MAST4: variants seen among roughly 807,000 people sequenced by gnomAD.
The protein encoded by MAST4 is microtubule-associated serine/threonine-protein kinase 4.
Under a neutral mutation model 162.7 loss-of-function variants are expected in MAST4, and 89 were observed. The ratio of observed to expected loss-of-function variants is 0.55; its 90% confidence interval spans 0.46 to 0.65. MAST4 has a LOEUF of 0.65. MAST4 is among the 30% of genes least tolerant of loss of function. The probability of loss-of-function intolerance (pLI) is 0.00; values close to 1 mark genes in which losing one functional copy is unlikely to be tolerated. For synonymous variants in MAST4, 1,479 were observed against 1,361.1 expected (o/e 1.09, Z -1.91); for missense variants, 3,153 against 3,374.0 (o/e 0.93, Z 1.62).
intron 5 of MAST4, among the ~76,000 whole-genome samples, chr5:67,059,057 T>C (rs900312503): frequency 6.6e-6 from 1 of 152,210 alleles, no homozygotes; most frequent in Non-Finnish European, 1.5e-5. Flanking sequence ...GGCTCTTACC[T>C]GGAGGCTGGG....
intron 1 of MAST4, among the ~76,000 whole-genome samples, chr5:66,637,238 A>AT (rs1352298854): frequency 6.5e-4 from 57 of 87,806 alleles, no homozygotes; most frequent in Non-Finnish European, 5.9e-4. Context: ...GATTATTTCC[A>AT]TTCTTTTTTT....
intron 1 of MAST4, among the ~76,000 whole-genome samples, chr5:66,623,645 G>A (rs188705432): frequency 5.2e-4 from 79 of 152,298 alleles, no homozygotes; most frequent in Middle Eastern, 6.8e-3. Flanking sequence ...CATATATGAA[G>A]GACCCACAAC....
chr5:66,890,656 G>A (rs946192464), intron 3 of MAST4, among the ~76,000 whole-genome samples: 1 of 152,196 alleles, frequency 6.6e-6, no homozygotes, highest in African/African-American at 2.4e-5. Context: ...AAGAGTAATT[G>A]ACAGTGTGTT....
chr5:66,883,913 A>G (rs1367792046), intron 3 of MAST4, among the ~76,000 whole-genome samples: 1 of 151,964 alleles, frequency 6.6e-6, no homozygotes, highest in Admixed American at 6.6e-5. Context: ...TTTTTTTTGG[A>G]TGCGTTGCTG....
intron 3 of MAST4, among the ~76,000 whole-genome samples, chr5:66,831,653 T>C (rs1757605462): frequency 6.6e-6 from 1 of 152,362 alleles, no homozygotes; most frequent in East Asian, 1.9e-4. Context: ...GAGTTGTTCA[T>C]CTTAAGTGAC....
chr5:66,933,624 C>A (rs1020241929), intron 4 of MAST4, among the ~76,000 whole-genome samples: 5 of 152,166 alleles, frequency 3.3e-5, no homozygotes, highest in African/African-American at 1.2e-4. Flanking sequence ...AAATCTTAGG[C>A]TTCTTGTGGT....
At chr5:66,804,810 G>A (rs1756104158) in intron 3 of MAST4, among the ~76,000 whole-genome samples, 1 of 152,072 alleles carries the variant, frequency 6.6e-6, no homozygotes, top group African/African-American at 2.4e-5. Context: ...ATGGTTATAG[G>A]ACTATTCTGA....
intron 15 of MAST4, among the ~76,000 whole-genome samples, chr5:67,131,312 G>A (rs1768938311): frequency 6.6e-6 from 1 of 152,144 alleles, no homozygotes; most frequent in Non-Finnish European, 1.5e-5. Flanking sequence ...TATGTGATAT[G>A]TGTTGGGCAG....
At chr5:66,754,145 C>T (rs529593188) in intron 1 of MAST4, among the ~76,000 whole-genome samples, 7 of 150,174 alleles carry the variant, frequency 4.7e-5, no homozygotes, top group Admixed American at 2.6e-4. Flanking sequence ...ACTGATGGGA[C>T]GTATCTCAAA....
intron 4 of MAST4, among the ~76,000 whole-genome samples, chr5:67,030,701 A>G (rs890890023): frequency 4.6e-5 from 7 of 152,276 alleles, no homozygotes; most frequent in African/African-American, 1.4e-4. Flanking sequence ...CAAACATTGT[A>G]TATTTGGAAC....
intron 3 of MAST4, among the ~76,000 whole-genome samples, chr5:66,875,611 A>G (rs76922864): frequency 0.045 from 6,816 of 152,294 alleles, 497 homozygotes; most frequent in African/African-American, 0.15. Context: ...CCAAATTATA[A>G]CAATCTTTTA....
At chr5:67,065,510 G>T (rs1760127938) in intron 5 of MAST4, among the ~76,000 whole-genome samples, 1 of 152,166 alleles carries the variant, frequency 6.6e-6, no homozygotes, top group South Asian at 2.1e-4. Flanking sequence ...AGGACTTGAG[G>T]CAGGGGCTCC....
rs115153591 is a variant in MAST4 at position 66,626,550 on chromosome 5, G to A, written c.363+29532G>A. On this transcript the variant is annotated intron_variant, in intron 1 of 28. Coordinates refer to ENST00000403625, the MANE Select transcript of MAST4 (RefSeq NM_001164664.2). ...CAGTAATATCTGCTTAAAATGTTCT[G>A]TAAATTCTCAGCTAGAACATTTGCA... is the stretch of plus-strand genomic sequence containing the variant. 3.9e-3 allele frequency among the ~76,000 whole-genome samples: 591 copies of A among 152,282 alleles called. 6 individuals carry two copies. The highest frequency in any genetic ancestry group is 0.013 in the African/African-American group (554 of 41,562).
chr5:66,912,948 A>T (rs2150020223), intron 4 of MAST4, among the ~76,000 whole-genome samples: 1 of 152,324 alleles, frequency 6.6e-6, no homozygotes, highest in Admixed American at 6.5e-5. Context: ...AGAATTGTGA[A>T]TTCTGTTTGT....
At chr5:67,113,433 A>G (rs906476244) in intron 11 of MAST4, among the ~76,000 whole-genome samples, 8 of 151,958 alleles carry the variant, frequency 5.3e-5, no homozygotes, top group African/African-American at 9.7e-5. Context: ...CGCAAGAGGC[A>G]GCCACATACA....
intron 4 of MAST4, among the ~76,000 whole-genome samples, chr5:66,924,973 C>T (rs988684469): frequency 6.6e-6 from 1 of 151,942 alleles, no homozygotes; most frequent in South Asian, 2.1e-4. Flanking sequence ...AAGCATGGAT[C>T]GTTTTTTCTG....
At chr5:66,633,547 T>C (rs1744917411) in intron 1 of MAST4, among the ~76,000 whole-genome samples, 1 of 152,190 alleles carries the variant, frequency 6.6e-6, no homozygotes, top group Admixed American at 6.5e-5. Context: ...ATTTGGTCCA[T>C]TTGTATGGCA....
chr5:66,939,740 GGTTTTT>G (rs1743159907), intron 4 of MAST4, among the ~76,000 whole-genome samples: 1 of 151,622 alleles, frequency 6.6e-6, no homozygotes, highest in Admixed American at 6.6e-5. Flanking sequence ...GATATTGCTG[GGTTTTT>G]GTTTTTTTTT....
At chr5:67,057,004 A>C (rs1174396533) in intron 5 of MAST4, among the ~76,000 whole-genome samples, 1 of 152,110 alleles carries the variant, frequency 6.6e-6, no homozygotes, top group Non-Finnish European at 1.5e-5. Flanking sequence ...CACCGCACCC[A>C]GCATTGTTTT....
Sources: gnomAD v4.1 joint callset for allele counts (sites outside exome capture counted in the v4.1 genomes callset) on GRCh38, gnomAD v4.1.1 for gene constraint, MANE v1.5 for transcripts, NCBI Gene and HGNC (gene_info 2026-07-23, HGNC 2026-07-21) for gene names.